PEX5L: variants seen among roughly 807,000 people sequenced by gnomAD.
The protein encoded by PEX5L is PEX5-related protein.
PEX5L carries 30 observed loss-of-function variants against 84.0 expected under a neutral mutation model. The ratio of observed to expected loss-of-function variants is 0.36; its 90% CI spans 0.27 to 0.48. PEX5L has a LOEUF of 0.48. Ranked by LOEUF, PEX5L falls within the 20% of genes least tolerant of loss-of-function variation. PEX5L has a pLI of 0.99. For synonymous variants in PEX5L, 270 were observed against 283.1 expected, an observed-to-expected ratio of 0.95 and a Z score of 0.46; for missense variants, 533 against 754.6, an observed-to-expected ratio of 0.71 and a Z score of 3.44.
chr3:179,862,368 A>T (rs1256838875), intron 7 of PEX5L, among the ~76,000 whole-genome samples: 1 of 152,230 alleles, frequency 6.6e-6, no homozygotes, highest in Admixed American at 6.5e-5. Context: ...TTCGATGAAC[A>T]AATATAAACA....
intron 7 of PEX5L, among the ~76,000 whole-genome samples, chr3:179,860,602 T>C (rs1745733755): frequency 6.6e-6 from 1 of 152,232 alleles, no homozygotes; most frequent in East Asian, 1.9e-4. Context: ...CACACAGCAC[T>C]TGCCCTCCAG....
Position 179,928,886 on chromosome 3 carries a change from C to A in PEX5L, c.94-30640G>T, listed in dbSNP as rs1045497599. Among the ~76,000 whole-genome samples, 7 of 152,316 alleles carry A rather than the reference C, an allele frequency of 4.6e-5. No homozygotes were observed. The East Asian group carries it at 1.4e-3, about 29-fold the overall frequency. On this transcript the variant is annotated intron_variant, in intron 2 of 14. Coordinates refer to ENST00000467460, the MANE Select transcript of PEX5L (RefSeq NM_016559.3). ...AAATCATCAAGATCCAGGCTTGAAG[C>A]CCCTCCATGCCATTACCTTTCCATA...
At chr3:179,865,032 C>G (rs899311567) in intron 7 of PEX5L, among the ~76,000 whole-genome samples, 2 of 152,094 alleles carry the variant, frequency 1.3e-5, no homozygotes, top group African/African-American at 4.8e-5. Context: ...TTCTTCCCTT[C>G]GTCAGTGTTT....
chr3:179,902,531 TA>T (rs1761746554), intron 2 of PEX5L: 1 of 270,950 alleles, frequency 3.7e-6, no homozygotes, highest in African/African-American at 2.2e-5. Context: ...CACAGAAAAG[TA>T]ACCTAAGTAT....
At chr3:179,833,740 A>G (rs1001912161) in intron 8 of PEX5L, among the ~76,000 whole-genome samples, 2 of 152,206 alleles carry the variant, frequency 1.3e-5, no homozygotes, top group Admixed American at 1.3e-4. Flanking sequence ...AGAATGAAGC[A>G]ATAGGTGCCT....
At chr3:179,948,876 T>A (rs1008565257) in intron 2 of PEX5L, among the ~76,000 whole-genome samples, 4 of 152,178 alleles carry the variant, frequency 2.6e-5, no homozygotes, top group Admixed American at 6.5e-5. Context: ...AACTAAGAAG[T>A]TTTTTAGAGC....
At chr3:179,816,404 A>G (rs1726105710) in intron 9 of PEX5L, among the ~76,000 whole-genome samples, 1 of 152,236 alleles carries the variant, frequency 6.6e-6, no homozygotes, top group Admixed American at 6.5e-5. Flanking sequence ...AATACTATAC[A>G]GCCATAAAAA....
At chr3:179,900,760 T>C in intron 2 of PEX5L, 1 of 1,497,060 alleles carries the variant, frequency 6.7e-7, no homozygotes. Flanking sequence ...GACACACCCA[T>C]GTTAGTGCCT....
intron 2 of PEX5L, among the ~76,000 whole-genome samples, chr3:179,961,780 T>G (rs1314281976): frequency 6.6e-6 from 1 of 152,196 alleles, no homozygotes; most frequent in Non-Finnish European, 1.5e-5. Context: ...CAATAGACGC[T>G]GATTCAATCA....
At chr3:179,893,905 T>G (rs1203812334) in intron 3 of PEX5L, among the ~76,000 whole-genome samples, 2 of 152,090 alleles carry the variant, frequency 1.3e-5, no homozygotes, top group Non-Finnish European at 2.9e-5. Flanking sequence ...AATATCTTTG[T>G]GAGTTTTGAA....
At position 179,797,315 on chromosome 3, in the gene PEX5L, A is replaced by T. The variant is rs1013699190; in HGVS notation, c.*4513T>A. 6.6e-6 allele frequency: 1 copy of T among 152,198 alleles called. No individual in the cohort carries two copies. Among genetic ancestry groups the T allele is most frequent in the Admixed American group, 6.5e-5 (1 of 15,280 alleles). The allele number at this position is 152,198 out of a possible 1,614,324, so 9.4% of individuals were successfully genotyped here. A position where few individuals can be genotyped will look rare whatever the true frequency, so the allele number is the denominator to read the frequency against. On this transcript the variant is annotated 3_prime_UTR_variant, in exon 15 of 15. Coordinates refer to ENST00000467460, the MANE Select transcript of PEX5L (RefSeq NM_016559.3). ...GCATGAAAACAATCTCAAGGATAGG[A>T]TAAGAAAAGCAAATAGAAAAACTGT...
chr3:179,893,953 G>A (rs1222232972), intron 3 of PEX5L, among the ~76,000 whole-genome samples: 3 of 151,614 alleles, frequency 2.0e-5, no homozygotes, highest in Non-Finnish European at 4.4e-5. Flanking sequence ...TTTTTGAGAT[G>A]GGGTCTTGCT....
rs949962261 is a variant in PEX5L, at chr3:179,799,247, C to A, written c.*2581G>T. The A allele has an allele frequency of 1.3e-5, 2 of 152,100 alleles. No homozygotes were observed. Among genetic ancestry groups the A allele is most frequent in the African/African-American group, 4.8e-5 (2 of 41,414 alleles). 9.4% of individuals were successfully genotyped at this position (152,100 alleles called of 1,614,324 possible). On this transcript the variant is annotated 3_prime_UTR_variant, in exon 15 of 15. Transcript: ENST00000467460. ...ACTCATGTTTTAATAATGGTTTTAA[C>A]TTAATTTTATAAAAAATATTATTGA...
At chr3:179,959,073 T>A (rs201481479) in intron 2 of PEX5L, among the ~76,000 whole-genome samples, 36 of 134,808 alleles carry the variant, frequency 2.7e-4, no homozygotes, top group South Asian at 1.2e-3. Context: ...AAAAAAAAAA[T>A]AAAAAAAACC....
intron 3 of PEX5L, among the ~76,000 whole-genome samples, chr3:179,891,950 G>C (rs1220117264): frequency 1.3e-5 from 2 of 152,028 alleles, no homozygotes; most frequent in Non-Finnish European, 2.9e-5. Context: ...CTTTCCTTAT[G>C]CATTAGTAGG....
chr3:179,797,605 A>ATATATATATATATATATAT lies in PEX5L; in HGVS notation c.*4222_*4223insATATATATATATATATATA, dbSNP rs1171034649. 15 of 89,154 alleles carry ATATATATATATATATATAT rather than the reference A, an allele frequency of 1.7e-4. No individual in the cohort carries two copies. The highest frequency in any genetic ancestry group is 6.8e-4 in the African/African-American group (15 of 22,212). The allele number at this position is 89,154 out of a possible 1,614,324, so 5.5% of individuals were successfully genotyped here. On this transcript the variant is annotated 3_prime_UTR_variant, in exon 15 of 15. Coordinates refer to ENST00000467460, the MANE Select transcript of PEX5L (RefSeq NM_016559.3). ...AACACTCTTTAAAAAAAAAAAAAAA[A>ATATATATATATATATATAT]ATATATATATATATATATATATATA...
At chr3:179,900,979 T>C (rs999795217) in intron 2 of PEX5L, among the ~76,000 whole-genome samples, 3 of 152,188 alleles carry the variant, frequency 2.0e-5, no homozygotes, top group Admixed American at 6.6e-5. Flanking sequence ...CCAAATCAAA[T>C]TGCCTCCTCC....
At chr3:179,909,489 G>C (rs938571513) in intron 2 of PEX5L, among the ~76,000 whole-genome samples, 1 of 152,134 alleles carries the variant, frequency 6.6e-6, no homozygotes, top group Non-Finnish European at 1.5e-5. Flanking sequence ...TAAATTAAAA[G>C]AGACTAATAG....
At chr3:179,973,999 G>A (rs1240056205) in intron 1 of PEX5L, 2 of 985,222 alleles carry the variant, frequency 2.0e-6, no homozygotes, top group Non-Finnish European at 2.4e-6. Context: ...AAGCCATAAT[G>A]GTATTCACTC....
Sources: gnomAD v4.1 joint callset for allele counts (sites outside exome capture counted in the v4.1 genomes callset) on GRCh38, gnomAD v4.1.1 for gene constraint, MANE v1.5 for transcripts, NCBI Gene and HGNC (gene_info 2026-07-23, HGNC 2026-07-21) for gene names.